Variants in EPS15 observed in about 807,000 individuals in gnomAD.
The protein encoded by EPS15 is epidermal growth factor receptor substrate 15.
Under a neutral mutation model 113.8 loss-of-function variants are expected in EPS15, and 72 were observed. The observed-to-expected ratio is 0.63, with a 90% CI of 0.52 to 0.77. EPS15 has a LOEUF of 0.77. EPS15 is among the 30% of genes least tolerant of loss of function. EPS15 has a pLI of 0.00. For missense variants in EPS15, 1,048 were observed against 1,045.8 expected, an observed-to-expected ratio of 1.00 and a Z score of -0.03; for synonymous variants, 344 against 363.4, an observed-to-expected ratio of 0.95 and a Z score of 0.61.
At chr1:51,481,424 T>G (rs913517148) in intron 1 of EPS15, 110 bp from the exon 2 acceptor site, 1 of 653,546 alleles carries the variant, frequency 1.5e-6, no homozygotes, top group Non-Finnish European at 2.8e-6. Flanking sequence ...AGATAAAATA[T>G]CCTTGATTTC....
intron 21 of EPS15, among the ~76,000 whole-genome samples, chr1:51,387,156 G>A (rs1391048490): frequency 1.3e-5 from 2 of 152,142 alleles, no homozygotes; most frequent in Non-Finnish European, 2.9e-5. Context: ...GAGAGTGGGG[G>A]CCAATGTTCA....
intron 10 of EPS15, 128 bp from the exon 11 acceptor site, chr1:51,445,173 A>G: frequency 1.2e-6 from 1 of 827,148 alleles, no homozygotes; most frequent in African/African-American, 1.7e-5. Flanking sequence ...ACCAACTTGC[A>G]GGTTATTAAA....
At chr1:51,426,086 C>T (rs943033270) in intron 12 of EPS15, among the ~76,000 whole-genome samples, 2 of 151,948 alleles carry the variant, frequency 1.3e-5, no homozygotes, top group Admixed American at 1.3e-4. Flanking sequence ...AAATAGGTTA[C>T]TAAATACTAA....
At chr1:51,503,077 C>T (rs374092138) in intron 1 of EPS15, among the ~76,000 whole-genome samples, 1 of 151,374 alleles carries the variant, frequency 6.6e-6, no homozygotes. Context: ...TTTGTTATAG[C>T]TTTAACAAAA....
chr1:51,483,518 G>A (rs72691868), intron 1 of EPS15, among the ~76,000 whole-genome samples: 4,554 of 150,934 alleles, frequency 0.03, 75 homozygotes, highest in African/African-American at 0.05. Flanking sequence ...CCTTTAAAAG[G>A]CAGAGTCAGC....
At chr1:51,407,619 A>G (rs550199402) in intron 15 of EPS15, among the ~76,000 whole-genome samples, 1 of 152,380 alleles carries the variant, frequency 6.6e-6, no homozygotes, top group African/African-American at 2.4e-5. Flanking sequence ...AGAAGGAACA[A>G]TTTCCTTAAG....
At chr1:51,517,392 C>CA (rs1168959662) in intron 1 of EPS15, among the ~76,000 whole-genome samples, 1 of 152,160 alleles carries the variant, frequency 6.6e-6, no homozygotes, top group Non-Finnish European at 1.5e-5. Flanking sequence ...ATAAAACTGA[C>CA]AGAGCTTGAA....
intron 12 of EPS15, chr1:51,423,297 C>T (rs1231515101): frequency 7.8e-7 from 1 of 1,284,032 alleles, no homozygotes; most frequent in Non-Finnish European, 1.0e-6. Flanking sequence ...CCCGATCCTT[C>T]CATACCTCAA....
chr1:51,428,080 G>T, intron 12 of EPS15, among the ~76,000 whole-genome samples: 1 of 151,792 alleles, frequency 6.6e-6, no homozygotes, highest in East Asian at 1.9e-4. Context: ...GCAATGAAAT[G>T]ATATATTTAA....
chr1:51,389,199 CA>C (rs1647188351), intron 21 of EPS15, among the ~76,000 whole-genome samples: 1 of 152,188 alleles, frequency 6.6e-6, no homozygotes, highest in Non-Finnish European at 1.5e-5. Context: ...AGCATATAAA[CA>C]GAACCAAAGA....
chr1:51,374,906 G>A (rs147374181), intron 21 of EPS15, among the ~76,000 whole-genome samples: 1 of 150,944 alleles, frequency 6.6e-6, no homozygotes, highest in Admixed American at 6.6e-5. Context: ...GGCCAGGCTG[G>A]TCTCAAACTC....
At chr1:51,456,723 A>AAT (rs1654023061) in intron 8 of EPS15, among the ~76,000 whole-genome samples, 1 of 152,226 alleles carries the variant, frequency 6.6e-6, no homozygotes, top group Admixed American at 6.5e-5. Context: ...GATGCTTGTA[A>AAT]ATAAAAACAA....
At chr1:51,507,510 A>T (rs1022237981) in intron 1 of EPS15, among the ~76,000 whole-genome samples, 7 of 151,896 alleles carry the variant, frequency 4.6e-5, no homozygotes, top group African/African-American at 1.7e-4. Flanking sequence ...AAAATACAAA[A>T]ATTGGGCAGG....
chr1:51,396,692 C>T (rs1647979418), intron 20 of EPS15, among the ~76,000 whole-genome samples: 1 of 152,084 alleles, frequency 6.6e-6, no homozygotes, highest in Admixed American at 6.6e-5. Context: ...ATCAGGATAG[C>T]AGGGGGAACA....
At chr1:51,493,317 C>T (rs1158058569) in intron 1 of EPS15, among the ~76,000 whole-genome samples, 5 of 147,350 alleles carry the variant, frequency 3.4e-5, no homozygotes, top group African/African-American at 1.3e-4. Context: ...GCCAAGATCG[C>T]GCCACTGCAC....
rs370698321 is a variant in EPS15 at position 51,402,394 on chromosome 1, T to G, written c.1882+41A>C. 89 of 1,093,024 alleles carry G rather than the reference T, an allele frequency of 8.1e-5. No individual in the cohort carries two copies. The African/African-American group carries it at 1.4e-3, about 17-fold the overall frequency. 67.7% of individuals were successfully genotyped at this position (1,093,024 alleles called of 1,614,324 possible). A position where few individuals can be genotyped will look rare whatever the true frequency, so the allele number is the denominator to read the frequency against. On this transcript the variant is annotated intron_variant, in intron 18 of 24. Transcript: ENST00000371733. ...CTTAGTTTATATATTAAAAAGTCTT[T>G]TTTTTGGGTAAATCTATAATATAAA...
chr1:51,375,179 T>G (rs1185194787), intron 21 of EPS15, among the ~76,000 whole-genome samples: 1 of 151,494 alleles, frequency 6.6e-6, no homozygotes, highest in African/African-American at 2.4e-5. Flanking sequence ...TTTTTTGTAT[T>G]TTTAGTAGAG....
chr1:51,389,461 C>G (rs1296872438), intron 21 of EPS15, among the ~76,000 whole-genome samples: 1 of 152,232 alleles, frequency 6.6e-6, no homozygotes, highest in Non-Finnish European at 1.5e-5. Flanking sequence ...GTTGGAAGTT[C>G]TGGCCAGGGC....
At chr1:51,384,394 C>T (rs370039389) in intron 21 of EPS15, among the ~76,000 whole-genome samples, 11 of 148,184 alleles carry the variant, frequency 7.4e-5, no homozygotes, top group South Asian at 4.2e-4. Flanking sequence ...TCTGCCTCCT[C>T]GGCTCAAGTG....
Sources: allele counts gnomAD v4.1 joint callset (sites outside exome capture counted in the v4.1 genomes callset), GRCh38; gene constraint gnomAD v4.1.1; transcripts MANE v1.5; gene names NCBI Gene and HGNC (gene_info 2026-07-23, HGNC 2026-07-21).